The following EBF1 variants were observed in gnomAD, a reference collection of about 807,000 sequenced individuals.
EBF1 encodes the protein transcription factor COE1.
EBF1 carries 10 observed loss-of-function variants against 68.4 expected under a neutral mutation model. The ratio of observed to expected loss-of-function variants is 0.15; its 90% CI spans 0.09 to 0.25. The LOEUF (loss-of-function observed/expected upper bound fraction) is 0.25. Ranked by LOEUF, EBF1 falls within the 10% of genes least tolerant of loss-of-function variation. EBF1 has a pLI of 1.00. For missense variants in EBF1, 509 were observed against 794.4 expected (o/e 0.64, Z 4.32); for synonymous variants, 298 against 299.8 (o/e 0.99, Z 0.06).
rs542295669 is a variant in EBF1, at chr5:158,772,334, T to G, written c.1036+5079A>C. Among the ~76,000 whole-genome samples the G allele has an allele frequency of 1.2e-4, 18 of 152,244 alleles. No individual in the cohort carries two copies. The South Asian group carries it at 3.5e-3, about 30-fold the overall frequency. On this transcript the variant is annotated intron_variant, in intron 10 of 15. Coordinates refer to ENST00000313708, the MANE Select transcript of EBF1 (RefSeq NM_024007.5). ...AGAAACAGAGATTTCTGGTGAAAAC[T>G]CTGGAAGCTGGAGTTGAAGCTGATT...
At chr5:159,087,345 T>C (rs1021675191) in intron 4 of EBF1, among the ~76,000 whole-genome samples, 15 of 122,158 alleles carry the variant, frequency 1.2e-4, no homozygotes, top group South Asian at 4.7e-4. Context: ...TACACACACA[T>C]ATATATATAC....
intron 7 of EBF1, among the ~76,000 whole-genome samples, chr5:158,824,736 CGCCAG>C (rs1438780589): frequency 6.6e-6 from 1 of 152,216 alleles, no homozygotes; most frequent in East Asian, 1.9e-4. Context: ...GAGGGGAAAA[CGCCAG>C]GCCCTGGCCT....
chr5:159,087,325 CAT>C (rs200155972), intron 4 of EBF1, among the ~76,000 whole-genome samples: 2,053 of 143,328 alleles, frequency 0.014, 51 homozygotes, highest in African/African-American at 0.05. Flanking sequence ...TATATATACA[CAT>C]ATATATATAC....
At chr5:158,874,703 G>C (rs186752963) in intron 6 of EBF1, among the ~76,000 whole-genome samples, 3 of 151,948 alleles carry the variant, frequency 2.0e-5, no homozygotes, top group African/African-American at 7.2e-5. Context: ...TGCAAGACTC[G>C]GCAGGAATTA....
At chr5:159,011,119 C>A (rs1173035229) in intron 6 of EBF1, among the ~76,000 whole-genome samples, 3 of 152,206 alleles carry the variant, frequency 2.0e-5, no homozygotes, top group African/African-American at 7.2e-5. Context: ...GTTTTCCCAG[C>A]CGCCTAACTT....
At chr5:158,811,517 A>G (rs1429285686) in intron 8 of EBF1, among the ~76,000 whole-genome samples, 1 of 152,208 alleles carries the variant, frequency 6.6e-6, no homozygotes, top group African/African-American at 2.4e-5. Flanking sequence ...GGATGGCCTC[A>G]GTTTCCCAAA....
intron 6 of EBF1, among the ~76,000 whole-genome samples, chr5:158,942,674 G>A (rs1216676979): frequency 6.6e-6 from 1 of 152,058 alleles, no homozygotes; most frequent in Non-Finnish European, 1.5e-5. Context: ...GTCTACTAAA[G>A]TGGTCTTTAA....
At chr5:158,738,766 CTATTT>C (rs1765713658) in intron 10 of EBF1, among the ~76,000 whole-genome samples, 1 of 152,204 alleles carries the variant, frequency 6.6e-6, no homozygotes, top group South Asian at 2.1e-4. Context: ...TCCAAGATGA[CTATTT>C]TATGTTAATA....
At chr5:158,911,582 G>A (rs1164225938) in intron 6 of EBF1, among the ~76,000 whole-genome samples, 1 of 152,104 alleles carries the variant, frequency 6.6e-6, no homozygotes, top group Non-Finnish European at 1.5e-5. Flanking sequence ...CATTACCACT[G>A]CAAACAGACA....
chr5:158,800,555 G>T (rs975057660), intron 8 of EBF1, among the ~76,000 whole-genome samples: 3 of 152,176 alleles, frequency 2.0e-5, no homozygotes, highest in Non-Finnish European at 4.4e-5. Context: ...GCAAACAGTT[G>T]TACTTTTTAG....
chr5:159,050,897 C>G (rs1223398627), intron 6 of EBF1, among the ~76,000 whole-genome samples: 1 of 152,136 alleles, frequency 6.6e-6, no homozygotes, highest in Admixed American at 6.5e-5. Flanking sequence ...GACTTTAGAG[C>G]CTTTGACACA....
intron 6 of EBF1, among the ~76,000 whole-genome samples, chr5:158,904,020 G>T (rs1314817396): frequency 6.6e-6 from 1 of 152,058 alleles, no homozygotes; most frequent in Admixed American, 6.6e-5. Context: ...AGAGGCTCAG[G>T]GTAAAAGACA....
intron 6 of EBF1, among the ~76,000 whole-genome samples, chr5:158,973,318 C>G (rs1378559976): frequency 1.3e-5 from 2 of 152,032 alleles, no homozygotes; most frequent in African/African-American, 4.8e-5. Flanking sequence ...CTCTTTCTAG[C>G]CTTTTCTCTC....
chr5:158,957,923 T>C (rs1239152579), intron 6 of EBF1, among the ~76,000 whole-genome samples: 1 of 152,082 alleles, frequency 6.6e-6, no homozygotes. Context: ...ACTCTCTTTT[T>C]GTGGGAATAT....
intron 11 of EBF1, among the ~76,000 whole-genome samples, chr5:158,723,572 G>A (rs796637455): frequency 1.9e-4 from 29 of 152,078 alleles, no homozygotes; most frequent in African/African-American, 6.8e-4. Context: ...TGTGTATTGC[G>A]TGCCTTGAGT....
intron 9 of EBF1, among the ~76,000 whole-genome samples, chr5:158,794,271 G>A (rs1458342757): frequency 6.6e-6 from 1 of 152,172 alleles, no homozygotes; most frequent in African/African-American, 2.4e-5. Context: ...GAGGGACAGA[G>A]GAGGGAGGAG....
chr5:158,924,482 C>G (rs1319732081), intron 6 of EBF1, among the ~76,000 whole-genome samples: 1 of 152,154 alleles, frequency 6.6e-6, no homozygotes, highest in Non-Finnish European at 1.5e-5. Flanking sequence ...CCCACACCAG[C>G]CACAGCTGAG....
At chr5:158,844,466 G>A (rs1176579377) in intron 6 of EBF1, among the ~76,000 whole-genome samples, 3 of 152,034 alleles carry the variant, frequency 2.0e-5, no homozygotes, top group Non-Finnish European at 4.4e-5. Flanking sequence ...TTGACCGAAA[G>A]GACTAGTCAT....
At chr5:158,735,745 G>A (rs1765044347) in intron 10 of EBF1, among the ~76,000 whole-genome samples, 2 of 152,192 alleles carry the variant, frequency 1.3e-5, no homozygotes, top group Non-Finnish European at 2.9e-5. Context: ...GCTTTATGTT[G>A]GGACTGCTTA....
Sources: gnomAD v4.1 joint callset for allele counts (sites outside exome capture counted in the v4.1 genomes callset) on GRCh38, gnomAD v4.1.1 for gene constraint, MANE v1.5 for transcripts, NCBI Gene and HGNC (gene_info 2026-07-23, HGNC 2026-07-21) for gene names.